C12orf60: variants seen among roughly 807,000 people sequenced by gnomAD.
The protein encoded by C12orf60 is chromosome 12 open reading frame 60.
For synonymous variants in C12orf60, 102 were observed against 94.6 expected, an observed-to-expected ratio of 1.08 and a Z score of -0.45; for missense variants, 284 against 283.2, an observed-to-expected ratio of 1.00 and a Z score of -0.02.
intron 1 of C12orf60, among the ~76,000 whole-genome samples, chr12:14,811,221 T>G (rs1950130972): frequency 6.6e-6 from 1 of 152,226 alleles, no homozygotes; most frequent in Admixed American, 6.5e-5. Context: ...ATTATTTGAA[T>G]ATTTTCTTGT....
chr12:14,810,052 C>T (rs1222908313), intron 1 of C12orf60, among the ~76,000 whole-genome samples: 1 of 152,162 alleles, frequency 6.6e-6, no homozygotes, highest in African/African-American at 2.4e-5. Context: ...TGACTTCGTT[C>T]CAATAACGAG....
At chr12:14,811,392 G>T (rs916192858) in intron 1 of C12orf60, among the ~76,000 whole-genome samples, 2 of 152,044 alleles carry the variant, frequency 1.3e-5, no homozygotes, top group Non-Finnish European at 2.9e-5. Context: ...TTGGGCTCTG[G>T]GTAGGTAAAA....
chr12:14,809,206 A>G (rs1182217230), intron 1 of C12orf60, among the ~76,000 whole-genome samples: 1 of 152,208 alleles, frequency 6.6e-6, no homozygotes, highest in Non-Finnish European at 1.5e-5. Context: ...GGTTCTGTCT[A>G]CCTCAAGATA....
intron 1 of C12orf60, among the ~76,000 whole-genome samples, chr12:14,822,091 C>G (rs1266699974): frequency 9.1e-6 from 1 of 110,004 alleles, no homozygotes; most frequent in Non-Finnish European, 1.7e-5. Flanking sequence ...GGAGCTGCCT[C>G]TGGTCACGAC....
At chr12:14,813,243 T>C (rs966237820) in intron 1 of C12orf60, among the ~76,000 whole-genome samples, 2 of 152,238 alleles carry the variant, frequency 1.3e-5, no homozygotes, top group African/African-American at 4.8e-5. Context: ...TAGTGCTCTC[T>C]GAGGTTTTAC....
At chr12:14,807,386 C>T (rs1016843962) in intron 1 of C12orf60, among the ~76,000 whole-genome samples, 4 of 152,142 alleles carry the variant, frequency 2.6e-5, no homozygotes, top group Admixed American at 1.3e-4. Context: ...CTTAGTTTCC[C>T]GAACCCCTAG....
At chr12:14,808,589 C>T (rs1427915795) in intron 1 of C12orf60, among the ~76,000 whole-genome samples, 1 of 152,046 alleles carries the variant, frequency 6.6e-6, no homozygotes, top group Non-Finnish European at 1.5e-5. Flanking sequence ...GAAAGTAAAC[C>T]TGAAAATAAC....
At chr12:14,818,881 T>C (rs1369282979) in intron 1 of C12orf60, among the ~76,000 whole-genome samples, 1 of 152,232 alleles carries the variant, frequency 6.6e-6, no homozygotes, top group East Asian at 1.9e-4. Flanking sequence ...AATACTACAC[T>C]GTCTCAATTA....
intron 1 of C12orf60, among the ~76,000 whole-genome samples, chr12:14,807,223 ATTAAG>A (rs1282841195): frequency 3.9e-5 from 6 of 152,258 alleles, no homozygotes; most frequent in Non-Finnish European, 7.3e-5. Flanking sequence ...TGATGGATAA[ATTAAG>A]TTATTAGATT....
chr12:14,821,787 T>A (rs1950309263), intron 1 of C12orf60, among the ~76,000 whole-genome samples: 1 of 152,000 alleles, frequency 6.6e-6, no homozygotes, highest in African/African-American at 2.4e-5. Context: ...ATTTCAGCTC[T>A]TCCCATTGCA....
At chr12:14,806,147 G>A in intron 1 of C12orf60, 1 of 1,614,076 alleles carries the variant, frequency 6.2e-7, no homozygotes, top group East Asian at 2.2e-5. Flanking sequence ...CTCCCAGGAT[G>A]GCACGGACAA....
chr12:14,813,643 C>T (rs1950174153), intron 1 of C12orf60, among the ~76,000 whole-genome samples: 1 of 152,182 alleles, frequency 6.6e-6, no homozygotes, highest in Non-Finnish European at 1.5e-5. Flanking sequence ...TGGAGACACA[C>T]AGCAAATGCT....
intron 1 of C12orf60, 51 bp from the exon 2 acceptor site, chr12:14,822,861 G>A: frequency 5.5e-6 from 8 of 1,451,136 alleles, no homozygotes; most frequent in Non-Finnish European, 7.4e-6. Flanking sequence ...TTTCTTTATG[G>A]TTGCCAAATC....
intron 1 of C12orf60, 98 bp from the exon 2 acceptor site, chr12:14,822,813 CA>C (rs1950326327): frequency 1.0e-6 from 1 of 999,898 alleles, no homozygotes; most frequent in Non-Finnish European, 1.4e-6. Flanking sequence ...CTGCCCTTGG[CA>C]GGGGGAGTTA....
At chr12:14,822,841 A>T in intron 1 of C12orf60, 71 bp from the exon 2 acceptor site, 1 of 1,334,568 alleles carries the variant, frequency 7.5e-7, no homozygotes, top group Non-Finnish European at 1.0e-6. Context: ...TATTTAGACT[A>T]TACTTTCAGT....
chr12:14,818,783 A>AAAC (rs1468822003), intron 1 of C12orf60, among the ~76,000 whole-genome samples: 1 of 152,300 alleles, frequency 6.6e-6, no homozygotes, highest in South Asian at 2.1e-4. Context: ...CTCTGTCTCA[A>AAAC]AACAACAACA....
At chr12:14,806,611 G>A in intron 1 of C12orf60, 1 of 1,614,030 alleles carries the variant, frequency 6.2e-7, no homozygotes, top group East Asian at 2.2e-5. Flanking sequence ...TCAAGAAGCT[G>A]CTGGTGAAGA....
chr12:14,812,899 C>A (rs1258456313), intron 1 of C12orf60, among the ~76,000 whole-genome samples: 1 of 152,010 alleles, frequency 6.6e-6, no homozygotes, highest in African/African-American at 2.4e-5. Context: ...CAAAGATGGT[C>A]CTGTTTAAAT....
intron 1 of C12orf60, among the ~76,000 whole-genome samples, chr12:14,811,602 A>G (rs764998518): frequency 6.6e-6 from 1 of 152,222 alleles, no homozygotes; most frequent in African/African-American, 2.4e-5. Flanking sequence ...TGAATTGAGA[A>G]GTCAACATTT....
Sources: gnomAD v4.1 joint callset for allele counts (sites outside exome capture counted in the v4.1 genomes callset) on GRCh38, gnomAD v4.1.1 for gene constraint, MANE v1.5 for transcripts, NCBI Gene and HGNC (gene_info 2026-07-23, HGNC 2026-07-21) for gene names.